EDARADD: variants seen among roughly 807,000 people sequenced by gnomAD.
EDARADD encodes EDAR associated via death domain.
A neutral mutation model predicts 25.6 loss-of-function variants in EDARADD; 20 were observed. That is an observed-to-expected ratio of 0.78 (90% confidence interval 0.55 to 1.14). EDARADD has a LOEUF of 1.14. EDARADD is among the 50% of genes most tolerant of loss of function. The probability of loss-of-function intolerance (pLI) is 0.00; values close to 1 mark genes in which losing one functional copy is unlikely to be tolerated. For missense variants in EDARADD, 225 were observed against 270.1 expected (o/e 0.83, Z 1.17); for synonymous variants, 86 against 94.4 (o/e 0.91, Z 0.52).
intron 3 of EDARADD, among the ~76,000 whole-genome samples, chr1:236,382,975 C>T (rs1257479447): frequency 1.3e-5 from 2 of 152,154 alleles, no homozygotes; most frequent in Non-Finnish European, 2.9e-5. Context: ...AGTCTTTACC[C>T]TACAGTATTC....
At chr1:236,385,566 A>C (rs1667343675) in intron 3 of EDARADD, among the ~76,000 whole-genome samples, 1 of 151,830 alleles carries the variant, frequency 6.6e-6, no homozygotes, top group South Asian at 2.1e-4. Context: ...TCTACTAAAA[A>C]TACAAAAATT....
In EDARADD at chr1:236,467,764, CT is replaced by C. The variant is rs769609962; in HGVS notation, c.220-455del. Among the ~76,000 whole-genome samples the C allele has an allele frequency of 3.9e-3, 574 of 146,538 alleles. 4 individuals carry two copies. Among genetic ancestry groups the C allele is most frequent in the African/African-American group, 0.011 (430 of 40,116 alleles). On this transcript the variant is annotated intron_variant, in intron 4 of 5. Transcript: ENST00000334232. ...GCACATTGTTGCATGCATTGATACC[CT>C]TTTTTTTTTTTCTTTGAGATCTTGC...
At chr1:236,417,795 T>G (rs1657677150) in intron 3 of EDARADD, among the ~76,000 whole-genome samples, 1 of 152,128 alleles carries the variant, frequency 6.6e-6, no homozygotes, top group Admixed American at 6.6e-5. Flanking sequence ...CTATTTGTAA[T>G]GGAAGAAAAT....
At chr1:236,448,009 A>G (rs1436135166) in intron 4 of EDARADD, among the ~76,000 whole-genome samples, 1 of 151,986 alleles carries the variant, frequency 6.6e-6, no homozygotes, top group African/African-American at 2.4e-5. Flanking sequence ...CTAATTTTGT[A>G]CTTTTAGTAG....
intron 4 of EDARADD, among the ~76,000 whole-genome samples, chr1:236,428,250 G>A (rs1203399448): frequency 6.6e-6 from 1 of 152,164 alleles, no homozygotes; most frequent in Non-Finnish European, 1.5e-5. Flanking sequence ...TTAACCCTGA[G>A]TGGACACAGC....
chr1:236,483,191 G>C lies in EDARADD; in HGVS notation c.*542G>C, dbSNP rs1052785149. The C allele has an allele frequency of 3.2e-6, 5 of 1,570,900 alleles. No homozygotes were observed. The Admixed American group carries it at 5.0e-5, about 16-fold the overall frequency. ...TGTCTATTCTCAAGATCCATGCCAG[G>C]GAGCTCTTTGACTCTCGTGGGAATC... On this transcript the variant is annotated 3_prime_UTR_variant, in exon 6 of 6. Transcript: ENST00000334232.
At chr1:236,432,944 A>AGAAG (rs1297940599) in intron 4 of EDARADD, among the ~76,000 whole-genome samples, 1 of 151,954 alleles carries the variant, frequency 6.6e-6, no homozygotes, top group African/African-American at 2.4e-5. Flanking sequence ...AAAAAAAGAA[A>AGAAG]GAAAGAAAGA....
At chr1:236,472,826 G>C (rs1191733988) in intron 5 of EDARADD, among the ~76,000 whole-genome samples, 1 of 152,154 alleles carries the variant, frequency 6.6e-6, no homozygotes, top group Non-Finnish European at 1.5e-5. Context: ...TCAGTAACCT[G>C]TCCAAGTCAC....
chr1:236,351,039 G>A (rs73119265), intron 3 of EDARADD, among the ~76,000 whole-genome samples: 231 of 152,104 alleles, frequency 1.5e-3, no homozygotes, highest in African/African-American at 4.9e-3. Context: ...CTTGGGAGGC[G>A]GAGGCAGGAG....
chr1:236,429,687 A>G (rs961300662), intron 4 of EDARADD, among the ~76,000 whole-genome samples: 3 of 151,962 alleles, frequency 2.0e-5, no homozygotes, highest in African/African-American at 7.3e-5. Flanking sequence ...ACCTGGCCAG[A>G]ATGTTCATTA....
At chr1:236,458,961 G>T (rs1478070193) in intron 4 of EDARADD, among the ~76,000 whole-genome samples, 2 of 151,962 alleles carry the variant, frequency 1.3e-5, no homozygotes, top group Non-Finnish European at 2.9e-5. Context: ...TCAAATCAAA[G>T]AAAAAATAAT....
chr1:236,393,455 G>A (rs1478067183), upstream of EDARADD, among the ~76,000 whole-genome samples: 1 of 136,496 alleles, frequency 7.3e-6, no homozygotes, highest in Non-Finnish European at 1.5e-5. Flanking sequence ...GAGTGCCGTG[G>A]TGCAATCTCA....
intron 4 of EDARADD, among the ~76,000 whole-genome samples, chr1:236,457,097 A>C (rs1208562473): frequency 6.6e-6 from 1 of 152,260 alleles, no homozygotes; most frequent in East Asian, 1.9e-4. Context: ...GAAGTCTCCC[A>C]AAAATGATAT....
intron 3 of EDARADD, among the ~76,000 whole-genome samples, chr1:236,378,571 T>C (rs545441950): frequency 3.0e-4 from 46 of 152,310 alleles, no homozygotes; most frequent in African/African-American, 1.1e-3. Flanking sequence ...GTGTTAGATT[T>C]TTCAGTGTGT....
At chr1:236,405,932 CT>C (rs1210598025) in intron 1 of EDARADD, among the ~76,000 whole-genome samples, 4 of 56,966 alleles carry the variant, frequency 7.0e-5, no homozygotes, top group Admixed American at 2.5e-4. Flanking sequence ...TTTCTCTTTC[CT>C]TTTTTTTTTC....
chr1:236,395,761 C>G lies in EDARADD; in HGVS notation c.61+1256C>G. 1.4e-6 allele frequency: 2 copies of G among 1,386,236 alleles called. No homozygotes were observed. The highest frequency in any genetic ancestry group is 1.9e-6 in the Non-Finnish European group (2 of 1,046,852). 85.9% of individuals were successfully genotyped at this position (1,386,236 alleles called of 1,614,324 possible). On this transcript the variant is annotated intron_variant, in intron 1 of 5. Transcript: ENST00000334232. This position sits in a 1 kb window ranked among gnomAD's most constrained non-coding sequence, Gnocchi z 6.9. ...CCGCAGGGCTATCGAGGCCGGGCCT[C>G]GGCGACCCCCGAGGGAGGCCCGGGA...
At chr1:236,402,883 G>A (rs1451851418) in intron 1 of EDARADD, among the ~76,000 whole-genome samples, 1 of 152,224 alleles carries the variant, frequency 6.6e-6, no homozygotes, top group Non-Finnish European at 1.5e-5. Flanking sequence ...GGAAGGCTTA[G>A]CTGAGACTGT....
At chr1:236,424,895 A>AT (rs1289367156) in intron 3 of EDARADD, among the ~76,000 whole-genome samples, 12 of 152,016 alleles carry the variant, frequency 7.9e-5, no homozygotes, top group Non-Finnish European at 1.2e-4. Context: ...TTGTTTATGG[A>AT]TTTTTTCCTG....
chr1:236,370,659 A>T (rs1667163499), intron 3 of EDARADD, among the ~76,000 whole-genome samples: 1 of 152,136 alleles, frequency 6.6e-6, no homozygotes, highest in Non-Finnish European at 1.5e-5. Flanking sequence ...CCTGAGTGGG[A>T]GGCCACAAGA....
Sources: allele counts gnomAD v4.1 joint callset (sites outside exome capture counted in the v4.1 genomes callset), GRCh38; gene constraint gnomAD v4.1.1; non-coding constraint Gnocchi (gnomAD v3.1); transcripts MANE v1.5; gene names NCBI Gene and HGNC (gene_info 2026-07-23, HGNC 2026-07-21).